Variants in ESR2 observed in about 807,000 individuals in gnomAD.
ESR2 encodes estrogen receptor 2, also known as estrogen receptor beta.
In ESR2, 36 loss-of-function variants were observed where a neutral mutation model predicts 49.6. The observed-to-expected ratio is 0.73, with a 90% CI of 0.56 to 0.96. The LOEUF (loss-of-function observed/expected upper bound fraction) is 0.96. ESR2 is among the 40% of genes least tolerant of loss of function. ESR2 has a pLI of 0.00. For synonymous variants in ESR2, 320 were observed against 266.1 expected, an observed-to-expected ratio of 1.20 and a Z score of -1.97; for missense variants, 714 against 693.0, an observed-to-expected ratio of 1.03 and a Z score of -0.34.
chr14:64,244,314 C>T (rs776813755), intron 7 of ESR2, among the ~76,000 whole-genome samples: 6 of 151,790 alleles, frequency 4.0e-5, no homozygotes, highest in Non-Finnish European at 5.9e-5. Context: ...GCAGGAGAAT[C>T]GCTTGAACCC....
intron 1 of ESR2, among the ~76,000 whole-genome samples, chr14:64,292,114 A>C (rs2076881477): frequency 6.6e-6 from 1 of 152,212 alleles, no homozygotes; most frequent in African/African-American, 2.4e-5. Context: ...CCAAGTCTCA[A>C]GTTTCCCATT....
At chr14:64,331,625 G>C (rs2077459795) in intron 1 of ESR2, among the ~76,000 whole-genome samples, 1 of 152,068 alleles carries the variant, frequency 6.6e-6, no homozygotes, top group Non-Finnish European at 1.5e-5. Flanking sequence ...AGGAGTTCGA[G>C]ACTGGCCTGA....
intron 4 of ESR2, among the ~76,000 whole-genome samples, chr14:64,262,532 T>C (rs543025144): frequency 1.1e-3 from 173 of 152,286 alleles, no homozygotes; most frequent in African/African-American, 3.9e-3. Flanking sequence ...TTTGGGAAGA[T>C]AGAAGCTTAA....
At chr14:64,287,269 G>A (rs914122384) in intron 1 of ESR2, among the ~76,000 whole-genome samples, 3 of 152,076 alleles carry the variant, frequency 2.0e-5, no homozygotes, top group Non-Finnish European at 2.9e-5. Flanking sequence ...TGATGACTCT[G>A]GGTACCCAGC....
upstream of ESR2, among the ~76,000 whole-genome samples, chr14:64,298,033 G>A (rs1020823060): frequency 6.6e-6 from 1 of 152,062 alleles, no homozygotes; most frequent in Non-Finnish European, 1.5e-5. Flanking sequence ...TTTTGGTGGT[G>A]ATGAATGAAA....
chr14:64,334,602 G>A (rs1388382181), intron 1 of ESR2, among the ~76,000 whole-genome samples: 2 of 152,200 alleles, frequency 1.3e-5, no homozygotes, highest in African/African-American at 2.4e-5. Context: ...TCAAGAAGAG[G>A]AGAATTAGCC....
At chr14:64,278,088 A>G (rs1022125170) in intron 3 of ESR2, among the ~76,000 whole-genome samples, 1 of 152,214 alleles carries the variant, frequency 6.6e-6, no homozygotes, top group African/African-American at 2.4e-5. Flanking sequence ...TAGTCATCGT[A>G]TCAAGAATTC....
Position 64,229,557 on chromosome 14 carries a change from C to T in ESR2, c.*3580G>A, listed in dbSNP as rs532872985. On this transcript the variant is annotated 3_prime_UTR_variant, in exon 9 of 9. Coordinates refer to ENST00000341099, the MANE Select transcript of ESR2 (RefSeq NM_001437.3). ...GGGGCCCCATTTAAATCACAGCAGC[C>T]GTGCATGTCAGGTTGCACCTGATAG... 8.5e-5 allele frequency among the ~76,000 whole-genome samples: 13 copies of T among 152,202 alleles called. No individual in the cohort carries two copies. Among genetic ancestry groups the T allele is most frequent in the African/African-American group, 3.1e-4 (13 of 41,530 alleles).
Position 64,247,748 on chromosome 14 carries a change from G to A in ESR2, c.1225+1798C>T, listed in dbSNP as rs567963987. 5.3e-5 allele frequency among the ~76,000 whole-genome samples: 8 copies of A among 152,300 alleles called. No homozygotes were observed. In the South Asian group the frequency reaches 6.2e-4, roughly 12 times the overall value. ...GGCTGGCTTAGACACCAGGTAGATCGTGAAATGACCAGTCTTGACAACCAT... is the reference window on the plus strand; with the variant it reads ...GGCTGGCTTAGACACCAGGTAGATCATGAAATGACCAGTCTTGACAACCAT... On this transcript the variant is annotated intron_variant, in intron 7 of 8. Coordinates refer to ENST00000341099, the MANE Select transcript of ESR2 (RefSeq NM_001437.3).
rs71123836 is a variant in ESR2 at position 64,246,734 on chromosome 14, C to CAAAAAAAAAAAAAAAAAAAAAA, written c.1225+2790_1225+2811dup. On this transcript the variant is annotated intron_variant, in intron 7 of 8. Transcript: ENST00000341099. ...CCTGGCCAACACAGGAAGACTCTGT[C>CAAAAAAAAAAAAAAAAAAAAAA]AAAAAAAAAAAAAAAAAAAAAAAAA... Among the ~76,000 whole-genome samples, 14 of 36,448 alleles carry CAAAAAAAAAAAAAAAAAAAAAA rather than the reference C, an allele frequency of 3.8e-4. 2 individuals are homozygous for CAAAAAAAAAAAAAAAAAAAAAA. The highest frequency in any genetic ancestry group is 1.0e-3 in the African/African-American group (8 of 7,856). 23.9% of individuals were successfully genotyped at this position (36,448 alleles called of 152,430 possible).
At position 64,260,737 on chromosome 14, in the gene ESR2, C is replaced by T; in HGVS notation, c.664G>A (p.Glu222Lys). Residue 222 changes from glutamate to lysine, a missense_variant, in exon 5 of 9, where the codon GAG becomes AAG. Coordinates refer to ENST00000341099, the MANE Select transcript of ESR2 (RefSeq NM_001437.3). ...VGMVKCGSRRERCGYRLVRRQ... is the reference protein window; with the variant it reads ...VGMVKCGSRRKRCGYRLVRRQ... ...CGCACAAGGCGGTACCCACATCTCT[C>T]TCTCCGGGAGCCTGAAGAGGAAAGC... The T allele has an allele frequency of 2.0e-6, 3 of 1,494,986 alleles. No individual in the cohort carries two copies. Among genetic ancestry groups the T allele is most frequent in the Non-Finnish European group, 2.7e-6 (3 of 1,120,172 alleles). 92.6% of individuals were successfully genotyped at this position (1,494,986 alleles called of 1,614,324 possible). A position where few individuals can be genotyped will look rare whatever the true frequency, so the allele number is the denominator to read the frequency against.
chr14:64,273,232 AT>A (rs916655808), intron 3 of ESR2, among the ~76,000 whole-genome samples: 1 of 152,014 alleles, frequency 6.6e-6, no homozygotes, highest in African/African-American at 2.4e-5. Flanking sequence ...GAATTTTTCA[AT>A]TTTTCCAAAT....
chr14:64,295,841 T>C (rs2076948976), upstream of ESR2, among the ~76,000 whole-genome samples: 1 of 152,072 alleles, frequency 6.6e-6, no homozygotes, highest in Non-Finnish European at 1.5e-5. Flanking sequence ...GTCAGGAGTT[T>C]GAGACCAGCC....
intron 1 of ESR2, among the ~76,000 whole-genome samples, chr14:64,327,177 A>G (rs193249719): frequency 6.6e-6 from 1 of 152,258 alleles, no homozygotes; most frequent in East Asian, 1.9e-4. Context: ...CCTTGTGTCA[A>G]TAGACTGAAA....
At position 64,283,036 on chromosome 14, in the gene ESR2, C is replaced by G; in HGVS notation, c.-51G>C. Reference sequence around the variant, plus strand: ...ACCTTGCAAGAAGAGGCACAAAGGTCATTATAATGTTCTCAAAGATTCGTG... The same window carrying G: ...ACCTTGCAAGAAGAGGCACAAAGGTGATTATAATGTTCTCAAAGATTCGTG... On this transcript the variant is annotated 5_prime_UTR_variant, in exon 2 of 9. It removes an upstream start codon present in the reference 5' UTR. Transcript: ENST00000341099. 1.3e-6 allele frequency: 2 copies of G among 1,548,638 alleles called. No homozygotes were observed. The highest frequency in any genetic ancestry group is 1.7e-6 in the Non-Finnish European group (2 of 1,148,146).
At chr14:64,310,174 G>GA (rs2077168345) in intron 1 of ESR2, among the ~76,000 whole-genome samples, 2 of 151,882 alleles carry the variant, frequency 1.3e-5, no homozygotes, top group Non-Finnish European at 2.9e-5. Context: ...TCGGAAGGCT[G>GA]AGGCAGGAGA....
At chr14:64,247,956 A>G (rs1198081641) in intron 7 of ESR2, among the ~76,000 whole-genome samples, 1 of 152,228 alleles carries the variant, frequency 6.6e-6, no homozygotes, top group East Asian at 1.9e-4. Flanking sequence ...ATGGTTTCAC[A>G]GCATTTTGAA....
intron 1 of ESR2, chr14:64,329,303 C>T (rs1190722235): frequency 6.6e-6 from 1 of 152,156 alleles, no homozygotes; most frequent in Middle Eastern, 3.2e-3. Flanking sequence ...AGGGATCTGC[C>T]TTAACAACCC....
chr14:64,320,890 C>T (rs1016271359), intron 1 of ESR2, among the ~76,000 whole-genome samples: 4 of 151,882 alleles, frequency 2.6e-5, no homozygotes, highest in South Asian at 2.1e-4. Context: ...AGCGAAACTC[C>T]GCCTCAATAA....
Sources: gnomAD v4.1 joint callset for allele counts (sites outside exome capture counted in the v4.1 genomes callset) on GRCh38, gnomAD v4.1.1 for gene constraint, MANE v1.5 for transcripts, NCBI Gene and HGNC (gene_info 2026-07-23, HGNC 2026-07-21) for gene names.